Variants in UBXN2B observed in about 807,000 individuals in gnomAD.
UBXN2B encodes UBX domain protein 2B.
Under a neutral mutation model 37.5 loss-of-function variants are expected in UBXN2B, and 19 were observed. The observed-to-expected ratio is 0.51, with a 90% CI of 0.35 to 0.74. The LOEUF (loss-of-function observed/expected upper bound fraction) is 0.74, where lower values mean the gene tolerates loss of function less well. UBXN2B is among the 30% of genes least tolerant of loss of function. UBXN2B has a pLI of 0.01. For synonymous variants in UBXN2B, 145 were observed against 143.8 expected, an observed-to-expected ratio of 1.01 and a Z score of -0.06; for missense variants, 370 against 393.2, an observed-to-expected ratio of 0.94 and a Z score of 0.50.
At chr8:58,426,492 A>G in intron 2 of UBXN2B, 5 of 709,812 alleles carry the variant, frequency 7.0e-6, no homozygotes, top group Non-Finnish European at 1.3e-5. Context: ...ACAGGTGTGA[A>G]CCACCGTGAC....
In UBXN2B at chr8:58,448,907, G is replaced by C. The variant is rs1808745064; in HGVS notation, c.*1356G>C. The C allele has an allele frequency of 6.6e-6, 1 of 152,226 alleles. No homozygotes were observed. Among genetic ancestry groups the C allele is most frequent in the African/African-American group, 2.4e-5 (1 of 41,464 alleles). 9.4% of individuals were successfully genotyped at this position (152,226 alleles called of 1,614,324 possible). On this transcript the variant is annotated 3_prime_UTR_variant, in exon 8 of 8. Transcript: ENST00000399598. ...TGTAGGTTAGGAGTCCAGGTTAAGA[G>C]TTTCGCGGTGCCAAGATCAATTTGT...
chr8:58,416,636 CTT>C (rs1466596537), intron 1 of UBXN2B, among the ~76,000 whole-genome samples: 1 of 152,146 alleles, frequency 6.6e-6, no homozygotes, highest in Non-Finnish European at 1.5e-5. Flanking sequence ...ATTATTATAA[CTT>C]AAAGTTATTC....
In UBXN2B at chr8:58,420,137, A is replaced by G. The variant is rs1240071192; in HGVS notation, c.188+3184A>G. 4.6e-5 allele frequency among the ~76,000 whole-genome samples: 7 copies of G among 152,190 alleles called. No individual in the cohort carries two copies. The East Asian group carries it at 1.3e-3, about 29-fold the overall frequency. On this transcript the variant is annotated intron_variant, in intron 2 of 7. Coordinates refer to ENST00000399598, the MANE Select transcript of UBXN2B (RefSeq NM_001077619.2). ...TGTTAAAAGCTTTGACTCAAGATGG[A>G]TACATCTCAGTTGTAATTTTTTTGT... is the stretch of plus-strand genomic sequence containing the variant.
At position 58,446,027 on chromosome 8, in the gene UBXN2B, A is replaced by C; in HGVS notation, c.792A>C (p.Ala264=). 6.2e-7 allele frequency: 1 copy of C among 1,613,026 alleles called. No individual in the cohort carries two copies. Among genetic ancestry groups the C allele is most frequent in the Non-Finnish European group, 8.5e-7 (1 of 1,179,734 alleles). Reference sequence around the variant, plus strand: ...CAACAAAAATTCAAATCAGGTTAGCAGATGGGAGTCGTTTGATACAAAGAT... The same window carrying C: ...CAACAAAAATTCAAATCAGGTTAGCCGATGGGAGTCGTTTGATACAAAGAT... The part of the protein sequence containing the change: ...VPTTKIQIRL[A]DGSRLIQRFN... Residue 264 remains alanine (A), a synonymous_variant, in exon 7 of 8, where the codon GCA becomes GCC. Coordinates refer to ENST00000399598, the MANE Select transcript of UBXN2B (RefSeq NM_001077619.2).
At chr8:58,413,579 T>C (rs1270679686) in intron 1 of UBXN2B, among the ~76,000 whole-genome samples, 3 of 152,080 alleles carry the variant, frequency 2.0e-5, no homozygotes, top group East Asian at 3.9e-4. Context: ...GGGCAACATA[T>C]TACCAATTGG....
Position 58,430,767 on chromosome 8 carries a change from TTC to T in UBXN2B, c.339+100_339+101del, listed in dbSNP as rs1308791723. 7.2e-6 allele frequency: 7 copies of T among 970,978 alleles called. No homozygotes were observed. In the African/African-American group the frequency reaches 8.5e-5, roughly 12 times the overall value. 60.1% of individuals were successfully genotyped at this position (970,978 alleles called of 1,614,324 possible). A position where few individuals can be genotyped will look rare whatever the true frequency, so the allele number is the denominator to read the frequency against. On this transcript the variant is annotated intron_variant, in intron 3 of 7. Coordinates refer to ENST00000399598, the MANE Select transcript of UBXN2B (RefSeq NM_001077619.2). The stretch of plus-strand genomic sequence containing the variant: ...AAACATTGTTTTTCTAATTGTATAT[TTC>T]TGTTTTAAATATTTGTTTCATTTTT...
chr8:58,442,063 A>G (rs1808564239), intron 6 of UBXN2B, among the ~76,000 whole-genome samples: 1 of 152,204 alleles, frequency 6.6e-6, no homozygotes, highest in Non-Finnish European at 1.5e-5. Flanking sequence ...TCATCGAAGA[A>G]ATAAATGCCT....
At chr8:58,426,553 C>G (rs368304235) in intron 2 of UBXN2B, 3 of 750,730 alleles carry the variant, frequency 4.0e-6, no homozygotes, top group Non-Finnish European at 5.0e-6. Context: ...TTTCTTCTAA[C>G]AAAAAGTGTG....
chr8:58,445,832 C>T, intron 6 of UBXN2B, 75 bp from the exon 7 acceptor site: 1 of 1,301,612 alleles, frequency 7.7e-7, no homozygotes, highest in Non-Finnish European at 1.0e-6. Context: ...AAGCCATGTT[C>T]TAAGTGTTTA....
intron 2 of UBXN2B, among the ~76,000 whole-genome samples, chr8:58,423,677 C>T (rs528174435): frequency 3.1e-3 from 475 of 151,566 alleles, no homozygotes; most frequent in Middle Eastern, 0.01. Flanking sequence ...CCTCATGATC[C>T]GCCAGCCTCG....
intron 7 of UBXN2B, 95 bp from the exon 8 acceptor site, chr8:58,447,294 A>C (rs1239497160): frequency 1.4e-5 from 17 of 1,184,398 alleles, no homozygotes; most frequent in Non-Finnish European, 1.8e-5. Context: ...TTATATAAAG[A>C]TTAAAATTTT....
At chr8:58,419,550 T>G (rs1343310418) in intron 2 of UBXN2B, among the ~76,000 whole-genome samples, 1 of 152,204 alleles carries the variant, frequency 6.6e-6, no homozygotes, top group Non-Finnish European at 1.5e-5. Flanking sequence ...AAGTTAAATA[T>G]CACAATCAGA....
At chr8:58,444,834 A>G (rs1808633441) in intron 6 of UBXN2B, among the ~76,000 whole-genome samples, 1 of 152,242 alleles carries the variant, frequency 6.6e-6, no homozygotes, top group Non-Finnish European at 1.5e-5. Flanking sequence ...CTAAAGAAAG[A>G]GAAAGTGTCA....
rs10504254 is a variant in UBXN2B, at chr8:58,421,589, C to T, written c.188+4636C>T. 4.6e-3 allele frequency among the ~76,000 whole-genome samples: 704 copies of T among 152,186 alleles called. 11 individuals carry two copies. Among genetic ancestry groups the T allele is most frequent in the African/African-American group, 0.016 (671 of 41,506 alleles). ...TGACTCACCCATTACTGACTGGGCT[C>T]TCTCATTACTGGCCCTGGGCTCTCT... On this transcript the variant is annotated intron_variant, in intron 2 of 7. Transcript: ENST00000399598.
chr8:58,420,474 AATG>A (rs1410073285), intron 2 of UBXN2B, among the ~76,000 whole-genome samples: 7 of 152,206 alleles, frequency 4.6e-5, no homozygotes, highest in African/African-American at 1.2e-4. Flanking sequence ...TTCACATCAA[AATG>A]ATGACATCCT....
rs574094276 is a variant in UBXN2B, at chr8:58,450,571, C to T, written c.*3020C>T. On this transcript the variant is annotated 3_prime_UTR_variant, in exon 8 of 8. Coordinates refer to ENST00000399598, the MANE Select transcript of UBXN2B (RefSeq NM_001077619.2). ...GCCCTAGCATTAACATTCCATATTT[C>T]TACTAACAGTCTGTTTAAGGCAGTT... The T allele has an allele frequency of 3.9e-5, 6 of 152,320 alleles. No homozygotes were observed. The East Asian group carries it at 9.6e-4, about 24-fold the overall frequency. The allele number at this position is 152,320 out of a possible 1,614,324, so 9.4% of individuals were successfully genotyped here.
chr8:58,445,334 T>G (rs1439749411), intron 6 of UBXN2B, among the ~76,000 whole-genome samples: 1 of 152,196 alleles, frequency 6.6e-6, no homozygotes, highest in Non-Finnish European at 1.5e-5. Flanking sequence ...ATTTCTCTTT[T>G]GCAAAGCAGT....
rs950594497 is a variant in UBXN2B at position 58,449,901 on chromosome 8, G to A, written c.*2350G>A. 6.6e-6 allele frequency: 1 copy of A among 152,148 alleles called. No individual in the cohort carries two copies. Among genetic ancestry groups the A allele is most frequent in the Admixed American group, 6.5e-5 (1 of 15,278 alleles). 9.4% of individuals were successfully genotyped at this position (152,148 alleles called of 1,614,324 possible). A position where few individuals can be genotyped will look rare whatever the true frequency, so the allele number is the denominator to read the frequency against. On this transcript the variant is annotated 3_prime_UTR_variant, in exon 8 of 8. Coordinates refer to ENST00000399598, the MANE Select transcript of UBXN2B (RefSeq NM_001077619.2). ...CTATAACGTTGTCAAGAAACTTGTG[G>A]GTCTTTTACATATGTCACAGGGATG... is the stretch of plus-strand genomic sequence containing the variant.
chr8:58,425,455 T>C, intron 2 of UBXN2B: 2 of 1,133,272 alleles, frequency 1.8e-6, no homozygotes, highest in Non-Finnish European at 2.7e-6. Context: ...GATATTTGCA[T>C]TGATGTCATC....
Sources: gnomAD v4.1 joint callset for allele counts (sites outside exome capture counted in the v4.1 genomes callset) on GRCh38, gnomAD v4.1.1 for gene constraint, MANE v1.5 for transcripts, NCBI Gene and HGNC (gene_info 2026-07-23, HGNC 2026-07-21) for gene names.